The following ATXN1 variants were observed in gnomAD, a reference collection of about 807,000 sequenced individuals.
The protein encoded by ATXN1 is ataxin-1.
ATXN1 carries 8 observed loss-of-function variants against 56.4 expected under a neutral mutation model. The ratio of observed to expected loss-of-function variants is 0.14; its 90% CI spans 0.08 to 0.26. The LOEUF is 0.26. Among genes scored for constraint, ATXN1 ranks in the 10% least tolerant of loss-of-function variants. The probability of loss-of-function intolerance (pLI) is 1.00; values close to 1 mark genes in which losing one functional copy is unlikely to be tolerated. For synonymous variants in ATXN1, 514 were observed against 494.6 expected (o/e 1.04, Z -0.52); for missense variants, 987 against 1,106.5 (o/e 0.89, Z 1.53).
intron 6 of ATXN1, among the ~76,000 whole-genome samples, chr6:16,370,732 T>C (rs139675938): frequency 6.6e-6 from 1 of 152,362 alleles, no homozygotes; most frequent in East Asian, 1.9e-4. Flanking sequence ...ATATATAATT[T>C]TGAATCAGTT....
intron 2 of ATXN1, among the ~76,000 whole-genome samples, chr6:16,703,506 A>T (rs1038624767): frequency 6.6e-6 from 1 of 152,182 alleles, no homozygotes; most frequent in Non-Finnish European, 1.5e-5. Flanking sequence ...TTATAACTCT[A>T]TATTTCTCTT....
chr6:16,553,654 C>G (rs1419585209), intron 4 of ATXN1, among the ~76,000 whole-genome samples: 2 of 152,146 alleles, frequency 1.3e-5, no homozygotes, highest in African/African-American at 4.8e-5. Context: ...ATCCGTGGTT[C>G]TGAATAATGG....
At chr6:16,576,717 T>G (rs1762428681) in intron 4 of ATXN1, among the ~76,000 whole-genome samples, 1 of 152,264 alleles carries the variant, frequency 6.6e-6, no homozygotes, top group Admixed American at 6.5e-5. Context: ...ATGTGTTGTG[T>G]CTTTGTGTAT....
chr6:16,406,972 A>G lies in ATXN1; in HGVS notation c.-160-78502T>C, dbSNP rs6910595. On this transcript the variant is annotated intron_variant, in intron 6 of 7. Coordinates refer to ENST00000436367, the MANE Select transcript of ATXN1 (RefSeq NM_001128164.2). ...GCTGGCAAGTGTACCCTTTCTGCAG[A>G]AAGTAAAAATGGTCTTGCTGAGGAA... Among the ~76,000 whole-genome samples the G allele has an allele frequency of 7.3e-3, 1,114 of 152,342 alleles. 10 individuals carry two copies. The highest frequency in any genetic ancestry group is 0.025 in the African/African-American group (1,053 of 41,560).
chr6:16,454,898 T>C (rs1273163025), intron 6 of ATXN1, among the ~76,000 whole-genome samples: 2 of 152,228 alleles, frequency 1.3e-5, no homozygotes, highest in East Asian at 3.8e-4. Flanking sequence ...GGAGCTTGGA[T>C]ATTATAGCAA....
intron 4 of ATXN1, among the ~76,000 whole-genome samples, chr6:16,579,010 C>A (rs1762475644): frequency 6.6e-6 from 1 of 152,174 alleles, no homozygotes; most frequent in South Asian, 2.1e-4. Context: ...CACTCCTTTT[C>A]CCCAAACTGT....
chr6:16,654,559 AAAAAAAAGAGAGAG>A (rs1212349887), intron 3 of ATXN1, among the ~76,000 whole-genome samples: 2 of 92,392 alleles, frequency 2.2e-5, no homozygotes, highest in African/African-American at 3.5e-5. Context: ...AAAAAAAAAA[AAAAAAAAGAGAGAG>A]AGAGAGAGAC....
chr6:16,639,020 G>A (rs1204076305), intron 3 of ATXN1, among the ~76,000 whole-genome samples: 1 of 152,202 alleles, frequency 6.6e-6, no homozygotes, highest in Non-Finnish European at 1.5e-5. Context: ...ACCAATGAGT[G>A]CTCTGTAAAA....
intron 6 of ATXN1, among the ~76,000 whole-genome samples, chr6:16,449,598 C>T (rs1344657698): frequency 6.6e-6 from 1 of 152,162 alleles, no homozygotes; most frequent in Non-Finnish European, 1.5e-5. Flanking sequence ...AGGAAGCTAT[C>T]ATTGGTCCTC....
Position 16,326,266 on chromosome 6 carries a change from C to T in ATXN1, c.1917+128G>A, listed in dbSNP as rs1445878574. On this transcript the variant is annotated intron_variant, in intron 7 of 7. Coordinates refer to ENST00000436367, the MANE Select transcript of ATXN1 (RefSeq NM_001128164.2). This position sits in a 1 kb window ranked among gnomAD's most constrained non-coding sequence, Gnocchi z 6.6. Reference sequence around the variant, plus strand: ...TCTAGAGAACGCAGTTGGGAAAGGCCGAGTCTAAGGTCTAGGTGTACCCGA... The same window carrying T: ...TCTAGAGAACGCAGTTGGGAAAGGCTGAGTCTAAGGTCTAGGTGTACCCGA... The T allele has an allele frequency of 1.2e-5, 18 of 1,454,420 alleles. No homozygotes were observed. Among genetic ancestry groups the T allele is most frequent in the Admixed American group, 5.3e-5 (2 of 37,448 alleles). 90.1% of individuals were successfully genotyped at this position (1,454,420 alleles called of 1,614,324 possible). A position where few individuals can be genotyped will look rare whatever the true frequency, so the allele number is the denominator to read the frequency against.
At chr6:16,476,046 T>C (rs1482009569) in intron 6 of ATXN1, among the ~76,000 whole-genome samples, 1 of 152,048 alleles carries the variant, frequency 6.6e-6, no homozygotes, top group African/African-American at 2.4e-5. Flanking sequence ...ATTTTATATA[T>C]ATTTTTAGTA....
intron 6 of ATXN1, among the ~76,000 whole-genome samples, chr6:16,367,566 G>A (rs1034420482): frequency 6.6e-6 from 1 of 152,094 alleles, no homozygotes; most frequent in Non-Finnish European, 1.5e-5. Flanking sequence ...ATGCGATCAC[G>A]GCTTTTTGAG....
Position 16,326,268 on chromosome 6 carries a change from A to G in ATXN1, c.1917+126T>C, listed in dbSNP as rs1760802519. 8 of 1,462,288 alleles carry G rather than the reference A, an allele frequency of 5.5e-6. No homozygotes were observed. In the South Asian group the frequency reaches 1.0e-4, roughly 18 times the overall value. 90.6% of individuals were successfully genotyped at this position (1,462,288 alleles called of 1,614,324 possible). ...TAGAGAACGCAGTTGGGAAAGGCCG[A>G]GTCTAAGGTCTAGGTGTACCCGAGA... On this transcript the variant is annotated intron_variant, in intron 7 of 7. Coordinates refer to ENST00000436367, the MANE Select transcript of ATXN1 (RefSeq NM_001128164.2). The surrounding 1 kb of genome is among the most constrained non-coding windows in gnomAD (Gnocchi z 6.6).
chr6:16,328,421 T>A lies in ATXN1; in HGVS notation c.-111A>T. On this transcript the variant is annotated 5_prime_UTR_variant, in exon 7 of 8. It removes an upstream start codon present in the reference 5' UTR. Transcript: ENST00000436367. The surrounding 1 kb of genome is among the most constrained non-coding windows in gnomAD (Gnocchi z 6.2). ...TTCTGTAGGGGATCCAGGCTCTTCA[T>A]GAGGAATCATCTCCCCGTGGGTACA... 7.4e-7 allele frequency: 1 copy of A among 1,352,542 alleles called. No homozygotes were observed. Among genetic ancestry groups the A allele is most frequent in the African/African-American group, 1.5e-5 (1 of 68,872 alleles). 83.8% of individuals were successfully genotyped at this position (1,352,542 alleles called of 1,614,324 possible).
At chr6:16,492,047 G>C (rs1204778481) in intron 5 of ATXN1, among the ~76,000 whole-genome samples, 1 of 152,088 alleles carries the variant, frequency 6.6e-6, no homozygotes, top group Non-Finnish European at 1.5e-5. Flanking sequence ...CAGATAATAA[G>C]GCAGCCCTGT....
intron 6 of ATXN1, among the ~76,000 whole-genome samples, chr6:16,417,086 C>A (rs918554240): frequency 7.9e-5 from 12 of 152,172 alleles, no homozygotes; most frequent in African/African-American, 2.4e-4. Context: ...GGCTGGAGGG[C>A]AGTGGTGTAA....
At chr6:16,661,714 T>C (rs1758324224) in intron 2 of ATXN1, among the ~76,000 whole-genome samples, 1 of 152,180 alleles carries the variant, frequency 6.6e-6, no homozygotes, top group African/African-American at 2.4e-5. Context: ...CTCTTCTGGG[T>C]TACTCACCTG....
intron 6 of ATXN1, among the ~76,000 whole-genome samples, chr6:16,385,576 G>T (rs956927102): frequency 6.6e-6 from 1 of 152,206 alleles, no homozygotes; most frequent in Non-Finnish European, 1.5e-5. Context: ...GAGAAATCAT[G>T]GTCTAGCTCC....
In ATXN1 at chr6:16,306,698, G is replaced by A. The variant is rs774042548; in HGVS notation, c.2079C>T (p.Gly693=). 2 of 1,614,090 alleles carry A rather than the reference G, an allele frequency of 1.2e-6. No individual in the cohort carries two copies. The highest frequency in any genetic ancestry group is 2.7e-5 in the African/African-American group (2 of 74,910). Residue 693 remains glycine, a synonymous_variant, in exon 8 of 8, where the codon GGC becomes GGT. Transcript: ENST00000436367. The surrounding 1 kb of genome is among the most constrained non-coding windows in gnomAD (Gnocchi z 5.2). ...ISLTLKNLKN[G]SVKKGQPVDP... ...CCACGGGCTGGCCCTTTTTAACAGA[G>A]CCGTTCTTCAGGTTCTTGAGGGTAA...
Sources: gnomAD v4.1 joint callset for allele counts (sites outside exome capture counted in the v4.1 genomes callset) on GRCh38, gnomAD v4.1.1 for gene constraint, Gnocchi (gnomAD v3.1) non-coding constraint, MANE v1.5 for transcripts, NCBI Gene and HGNC (gene_info 2026-07-23, HGNC 2026-07-21) for gene names.